The following PDGFRA variants were observed in gnomAD, a reference collection of about 807,000 sequenced individuals.
PDGFRA encodes platelet derived growth factor receptor alpha.
Under a neutral mutation model 121.5 loss-of-function variants are expected in PDGFRA, and 25 were observed. The ratio of observed to expected loss-of-function variants is 0.21; its 90% CI spans 0.15 to 0.29. The LOEUF is 0.29. Ranked by LOEUF, PDGFRA falls within the 10% of genes least tolerant of loss-of-function variation. PDGFRA has a pLI of 1.00. For synonymous variants in PDGFRA, 463 were observed against 494.8 expected (o/e 0.94, Z 0.85); for missense variants, 1,008 against 1,345.1 (o/e 0.75, Z 3.92).
At chr4:54,261,460 T>A in intron 3 of PDGFRA, 48 bp downstream of exon 3, 2 of 1,268,810 alleles carry the variant, frequency 1.6e-6, no homozygotes, top group Non-Finnish European at 2.3e-6. Context: ...TTCCTGTCTC[T>A]CCTGTTAAAT....
chr4:54,285,756 A>G (rs1724323368), intron 17 of PDGFRA, 85 bp from the exon 18 acceptor site: 1 of 1,443,818 alleles, frequency 6.9e-7, no homozygotes, highest in South Asian at 1.1e-5. Flanking sequence ...TCCAAGTGCC[A>G]CCATGGATCA....
chr4:54,279,307 C>G (rs1487463187), intron 15 of PDGFRA, among the ~76,000 whole-genome samples: 2 of 152,130 alleles, frequency 1.3e-5, no homozygotes, highest in Non-Finnish European at 2.9e-5. Flanking sequence ...GAACAGTAGT[C>G]ATCATGGCAG....
At chr4:54,254,959 G>T (rs962724906) in intron 1 of PDGFRA, among the ~76,000 whole-genome samples, 2 of 152,204 alleles carry the variant, frequency 1.3e-5, no homozygotes, top group African/African-American at 4.8e-5. Flanking sequence ...AGGAAATTGT[G>T]GGGGAGGGAC....
Position 54,297,136 on chromosome 4 carries a change from A to T in PDGFRA, c.*1864A>T, listed in dbSNP as rs1250004571. The T allele has an allele frequency of 4.3e-6, 1 of 233,338 alleles. No homozygotes were observed. Among genetic ancestry groups the T allele is most frequent in the Non-Finnish European group, 8.5e-6 (1 of 118,060 alleles). 14.5% of individuals were successfully genotyped at this position (233,338 alleles called of 1,614,324 possible). ...TACTGATAATTTGAGGTTAGATGGG[A>T]GGATGAATTGTCACATCTATCCACA... On this transcript the variant is annotated 3_prime_UTR_variant, in exon 23 of 23. Coordinates refer to ENST00000257290, the MANE Select transcript of PDGFRA (RefSeq NM_006206.6).
At chr4:54,264,863 T>A in intron 4 of PDGFRA, 56 bp from the exon 5 acceptor site, 2 of 1,470,176 alleles carry the variant, frequency 1.4e-6, no homozygotes, top group Non-Finnish European at 1.9e-6. Flanking sequence ...CCAAACTTTA[T>A]AAGATCCTGG....
chr4:54,266,411 C>CTTTTTTTT (rs552308043), intron 5 of PDGFRA, among the ~76,000 whole-genome samples: 9 of 130,560 alleles, frequency 6.9e-5, no homozygotes, highest in Admixed American at 1.5e-4. Flanking sequence ...TTTCTTTTTT[C>CTTTTTTTT]TTTTTTTTTT....
intron 16 of PDGFRA, among the ~76,000 whole-genome samples, chr4:54,283,999 A>G (rs181385591): frequency 3.9e-5 from 6 of 152,314 alleles, no homozygotes; most frequent in Non-Finnish European, 5.9e-5. Context: ...TATCGTGAAC[A>G]CTTTGCTGCT....
intron 10 of PDGFRA, 72 bp downstream of exon 10, chr4:54,273,802 G>C (rs746682034): frequency 1.6e-6 from 2 of 1,242,818 alleles, no homozygotes; most frequent in Non-Finnish European, 2.3e-6. Flanking sequence ...TTGAATCCCA[G>C]ATAGGGGTTA....
intron 1 of PDGFRA, among the ~76,000 whole-genome samples, chr4:54,247,285 A>C (rs1373496065): frequency 3.9e-5 from 6 of 152,214 alleles, no homozygotes; most frequent in Non-Finnish European, 7.3e-5. Context: ...ATTTTAGACC[A>C]ATATCCTTGG....
intron 9 of PDGFRA, among the ~76,000 whole-genome samples, chr4:54,273,136 G>A (rs1290189279): frequency 1.3e-5 from 2 of 152,152 alleles, no homozygotes; most frequent in Non-Finnish European, 2.9e-5. Context: ...CAACCCTAGT[G>A]ACACCCTAGG....
intron 12 of PDGFRA, among the ~76,000 whole-genome samples, chr4:54,276,278 G>A (rs544242542): frequency 1.3e-5 from 2 of 149,392 alleles, no homozygotes; most frequent in East Asian, 3.9e-4. Context: ...CAGAGACACT[G>A]ATTTGAGTAA....
chr4:54,247,420 C>G (rs928688723), intron 1 of PDGFRA, among the ~76,000 whole-genome samples: 2 of 152,100 alleles, frequency 1.3e-5, no homozygotes, highest in Non-Finnish European at 2.9e-5. Context: ...TCAATATACC[C>G]AAATCAATAA....
At chr4:54,289,325 A>T (rs1342609728) in intron 21 of PDGFRA, among the ~76,000 whole-genome samples, 1 of 152,194 alleles carries the variant, frequency 6.6e-6, no homozygotes, top group Non-Finnish European at 1.5e-5. Context: ...CTTTCATCTT[A>T]TATGTACAGT....
intron 1 of PDGFRA, among the ~76,000 whole-genome samples, chr4:54,233,372 G>T (rs1303716918): frequency 6.6e-6 from 1 of 152,226 alleles, no homozygotes; most frequent in Non-Finnish European, 1.5e-5. Flanking sequence ...GGCGAAGTCT[G>T]CGCGCAGCAC....
chr4:54,257,385 G>T (rs1009475691), intron 1 of PDGFRA, among the ~76,000 whole-genome samples: 1 of 152,160 alleles, frequency 6.6e-6, no homozygotes, highest in Non-Finnish European at 1.5e-5. Context: ...CTATGGAGTA[G>T]CCACCCTTTT....
chr4:54,244,922 C>G (rs920000683), intron 1 of PDGFRA, among the ~76,000 whole-genome samples: 2 of 152,092 alleles, frequency 1.3e-5, no homozygotes, highest in East Asian at 1.9e-4. Context: ...ATGAAGAATG[C>G]AGAAGCCTTA....
Position 54,272,399 on chromosome 4 carries a change from T to C in PDGFRA, c.1243T>C (p.Ser415Pro), listed in dbSNP as rs1060501514. The C allele has an allele frequency of 1.2e-6, 2 of 1,614,082 alleles. No homozygotes were observed. The highest frequency in any genetic ancestry group is 1.7e-6 in the Non-Finnish European group (2 of 1,180,018). Residue 415 changes from serine to proline, a missense_variant, in exon 9 of 23, where the codon TCA becomes CCA. Physicochemically the swap from Ser to Pro is moderately conservative, Grantham distance 74. This residue lies in a region of PDGFRA where 575 missense variants were observed against 701.8 expected (regional missense o/e 0.82). Coordinates refer to ENST00000257290, the MANE Select transcript of PDGFRA (RefSeq NM_006206.6). ...YTFELLTQVPSSILDLVDDHH... is the reference protein window; with the variant it reads ...YTFELLTQVPPSILDLVDDHH... ...CTTCTTTCTGCCTCTTGCAGTTCCTTCATCCATTCTGGACTTGGTCGATGA... is the reference window on the plus strand; with the variant it reads ...CTTCTTTCTGCCTCTTGCAGTTCCTCCATCCATTCTGGACTTGGTCGATGA...
intron 2 of PDGFRA, among the ~76,000 whole-genome samples, chr4:54,260,480 A>G (rs1232613403): frequency 7.1e-6 from 1 of 140,870 alleles, no homozygotes; most frequent in East Asian, 2.1e-4. Flanking sequence ...GCTGACTGCA[A>G]CCTCAATCCC....
In PDGFRA at chr4:54,271,765, C is replaced by CTCCT. The variant is rs541236056; in HGVS notation, c.1238-612_1238-609dup. On this transcript the variant is annotated intron_variant, in intron 8 of 22. Transcript: ENST00000257290. ...CACTCACTCTTTTCTTTTCCTTTCT[C>CTCCT]TCCTTCCTTCCTTCCTTCCTCCCTC... Among the ~76,000 whole-genome samples, 12 of 140,068 alleles carry CTCCT rather than the reference C, an allele frequency of 8.6e-5. No individual in the cohort carries two copies. The East Asian group carries it at 1.1e-3, about 13-fold the overall frequency. The allele number at this position is 140,068 out of a possible 152,430, so 91.9% of individuals were successfully genotyped here. A position where few individuals can be genotyped will look rare whatever the true frequency, so the allele number is the denominator to read the frequency against.
Sources: gnomAD v4.1 joint callset for allele counts (sites outside exome capture counted in the v4.1 genomes callset) on GRCh38, gnomAD v4.1.1 for gene constraint, gnomAD v4.1.1 regional missense constraint, MANE v1.5 for transcripts, NCBI Gene and HGNC (gene_info 2026-07-23, HGNC 2026-07-21) for gene names.